Variants in NYAP2 observed in about 807,000 individuals in gnomAD.
NYAP2 encodes the protein neuronal tyrosine-phosphorylated phosphoinositide-3-kinase adaptor 2.
Under a neutral mutation model 50.4 loss-of-function variants are expected in NYAP2, and 23 were observed. That is an observed-to-expected ratio of 0.46 (90% CI 0.33 to 0.65). The LOEUF (loss-of-function observed/expected upper bound fraction) is 0.65, where lower values mean the gene tolerates loss of function less well. Among genes scored for constraint, NYAP2 ranks in the 30% least tolerant of loss-of-function variants. The pLI is 0.02. For missense variants in NYAP2, 885 were observed against 861.0 expected (o/e 1.03, Z -0.35); for synonymous variants, 394 against 365.2 (o/e 1.08, Z -0.90).
Position 225,499,479 on chromosome 2 carries a change from A to ATT in NYAP2, c.222-13883_222-13882dup, listed in dbSNP as rs57859943. Among the ~76,000 whole-genome samples, 112 of 149,668 alleles carry ATT rather than the reference A, an allele frequency of 7.5e-4. 1 individual carries two copies. Among genetic ancestry groups the ATT allele is most frequent in the East Asian group, 3.4e-3 (17 of 5,048 alleles). On this transcript the variant is annotated intron_variant, in intron 3 of 6. Transcript: ENST00000636099. ...AGGCGCCCGCTACTGTTCCCGGCTA[A>ATT]TTTTTTTTTTGTATTTTTAGTAGAG...
chr2:225,534,405 C>T (rs11890891), intron 4 of NYAP2, among the ~76,000 whole-genome samples: 34,849 of 152,128 alleles, frequency 0.23, 4,055 homozygotes, highest in African/African-American at 0.28. Flanking sequence ...GCACCTACTA[C>T]GGGCCAAGCA....
intron 4 of NYAP2, among the ~76,000 whole-genome samples, chr2:225,514,080 T>C (rs1690882674): frequency 1.3e-5 from 2 of 152,196 alleles, no homozygotes; most frequent in South Asian, 4.1e-4. Context: ...TTTGGTGAAT[T>C]TCCTTCCAAT....
rs899334099 is a variant in NYAP2 at position 225,643,653 on chromosome 2, C to G, written c.1829-7779C>G. Among the ~76,000 whole-genome samples the G allele has an allele frequency of 5.4e-5, 8 of 149,358 alleles. No individual in the cohort carries two copies. The East Asian group carries it at 1.4e-3, about 26-fold the overall frequency. On this transcript the variant is annotated intron_variant, in intron 6 of 6. Coordinates refer to ENST00000636099, the Ensembl canonical transcript of NYAP2. The stretch of plus-strand genomic sequence containing the variant: ...GTTCCCCTTCCTGTGTCCATGTGTT[C>G]TCATTGTTCAATTCCCACCTATGAG...
chr2:225,627,898 T>A (rs1693237299), intron 6 of NYAP2, among the ~76,000 whole-genome samples: 1 of 152,220 alleles, frequency 6.6e-6, no homozygotes, highest in Non-Finnish European at 1.5e-5. Flanking sequence ...GGTTTCTATT[T>A]CTTAAGAGTG....
intron 5 of NYAP2, among the ~76,000 whole-genome samples, chr2:225,592,173 G>A (rs1333257885): frequency 6.6e-6 from 1 of 152,204 alleles, no homozygotes; most frequent in African/African-American, 2.4e-5. Context: ...ACTTAAGGGT[G>A]TATGTGCAGG....
At chr2:225,621,674 T>G (rs1693105752) in intron 5 of NYAP2, among the ~76,000 whole-genome samples, 1 of 152,130 alleles carries the variant, frequency 6.6e-6, no homozygotes, top group Non-Finnish European at 1.5e-5. Flanking sequence ...AAAATAGTAC[T>G]TTTATATTGT....
intron 4 of NYAP2, among the ~76,000 whole-genome samples, chr2:225,552,002 G>A (rs1424953326): frequency 1.3e-5 from 2 of 152,072 alleles, no homozygotes; most frequent in Admixed American, 6.5e-5. Context: ...TAGTAAAGAC[G>A]GGGTTTTACT....
chr2:225,582,941 G>T lies in NYAP2; in HGVS notation c.1524G>T (p.Thr508=). Residue 508 remains threonine, a synonymous_variant, in exon 5 of 7, where the codon ACG becomes ACT. Transcript: ENST00000636099. This position sits in a 1 kb window ranked among gnomAD's most constrained non-coding sequence, Gnocchi z 7.0. ...GTGGCTCCCGGTCCCGGACACCCAC[G>T]AGCCCGCTGGAGGAGCTGACCAGCC... 6.2e-7 allele frequency: 1 copy of T among 1,612,524 alleles called. No homozygotes were observed. Among genetic ancestry groups the T allele is most frequent in the East Asian group, 2.2e-5 (1 of 44,848 alleles).
In NYAP2 at chr2:225,500,648, A is replaced by C. The variant is rs555847406; in HGVS notation, c.222-12723A>C. Among the ~76,000 whole-genome samples, 4 of 152,362 alleles carry C rather than the reference A, an allele frequency of 2.6e-5. No homozygotes were observed. The South Asian group carries it at 8.3e-4, about 32-fold the overall frequency. ...ATCTTAAGACACTATTATCAGAAGA[A>C]GCACATATTACAAATGTTTGGGAAG... is the stretch of plus-strand genomic sequence containing the variant. On this transcript the variant is annotated intron_variant, in intron 3 of 6. Transcript: ENST00000636099.
At chr2:225,588,101 T>G (rs1692420040) in intron 5 of NYAP2, among the ~76,000 whole-genome samples, 1 of 152,018 alleles carries the variant, frequency 6.6e-6, no homozygotes, top group Non-Finnish European at 1.5e-5. Context: ...ATATTTCATA[T>G]TTTTAGTAGA....
intron 5 of NYAP2, among the ~76,000 whole-genome samples, chr2:225,616,894 G>A (rs1204460946): frequency 1.3e-5 from 2 of 152,134 alleles, no homozygotes; most frequent in Non-Finnish European, 2.9e-5. Context: ...AAAACGTGTT[G>A]TCTTTTCTGC....
At chr2:225,583,459 C>G (rs1434647225) in intron 5 of NYAP2, among the ~76,000 whole-genome samples, 1 of 151,906 alleles carries the variant, frequency 6.6e-6, no homozygotes, top group East Asian at 1.9e-4. Flanking sequence ...CACACTAAGC[C>G]AAATAGTGTA....
intron 4 of NYAP2, among the ~76,000 whole-genome samples, chr2:225,542,161 G>A (rs1468213425): frequency 6.6e-6 from 1 of 152,070 alleles, no homozygotes; most frequent in Non-Finnish European, 1.5e-5. Flanking sequence ...AGTTTTAATA[G>A]TTTTTGGTGG....
At chr2:225,627,469 AT>A (rs1335113696) in intron 6 of NYAP2, among the ~76,000 whole-genome samples, 3 of 152,218 alleles carry the variant, frequency 2.0e-5, no homozygotes, top group Non-Finnish European at 4.4e-5. Context: ...GTAATTTAGA[AT>A]TTATGCTTCA....
chr2:225,512,465 C>CCCTCCCTCCTTTCTTCCTCCTT (rs1481549392), intron 3 of NYAP2, among the ~76,000 whole-genome samples: 35 of 151,348 alleles, frequency 2.3e-4, no homozygotes, highest in African/African-American at 7.0e-4. Flanking sequence ...ATTTTCTCCT[C>CCCTCCCTCCTTTCTTCCTCCTT]CCTCCCTCCT....
chr2:225,581,974 A>G (rs951595979), exon 5 of NYAP2: 1 of 1,611,374 alleles, frequency 6.2e-7, no homozygotes, highest in Non-Finnish European at 8.5e-7. Flanking sequence ...AGCGATGAAT[A>G]TTCCAAGAAG....
chr2:225,462,428 T>C (rs1286560988), intron 3 of NYAP2, among the ~76,000 whole-genome samples: 1 of 152,168 alleles, frequency 6.6e-6, no homozygotes, highest in East Asian at 1.9e-4. Context: ...ACCTTTCTTT[T>C]GTGCCTTGAG....
intron 5 of NYAP2, among the ~76,000 whole-genome samples, chr2:225,620,448 C>T (rs973239767): frequency 4.8e-5 from 7 of 146,042 alleles, no homozygotes; most frequent in East Asian, 4.0e-4. Flanking sequence ...CGCACGCACA[C>T]GCACGCACAC....
At chr2:225,455,739 AG>A (rs1223255226) in intron 3 of NYAP2, among the ~76,000 whole-genome samples, 5 of 152,224 alleles carry the variant, frequency 3.3e-5, no homozygotes, top group Non-Finnish European at 5.9e-5. Flanking sequence ...GGAAAATTGT[AG>A]GGTTCTCTCA....
Sources: allele counts gnomAD v4.1 joint callset (sites outside exome capture counted in the v4.1 genomes callset), GRCh38; gene constraint gnomAD v4.1.1; non-coding constraint Gnocchi (gnomAD v3.1); transcripts MANE v1.5; gene names NCBI Gene and HGNC (gene_info 2026-07-23, HGNC 2026-07-21).